The following DOP1B variants were observed in gnomAD, a reference collection of about 807,000 sequenced individuals.
DOP1B encodes protein DOP1B.
Under a neutral mutation model 233.5 loss-of-function variants are expected in DOP1B, and 174 were observed. The observed-to-expected ratio is 0.75, with a 90% CI of 0.66 to 0.85. The LOEUF is 0.85. Among genes scored for constraint, DOP1B ranks in the 40% least tolerant of loss-of-function variants. The probability of loss-of-function intolerance (pLI) is 0.00; values close to 1 mark genes in which losing one functional copy is unlikely to be tolerated. For synonymous variants in DOP1B, 1,190 were observed against 1,185.6 expected, an observed-to-expected ratio of 1.00 and a Z score of -0.08; for missense variants, 2,652 against 2,846.6, an observed-to-expected ratio of 0.93 and a Z score of 1.56.
chr21:36,190,962 A>G (rs990363182), intron 2 of DOP1B, among the ~76,000 whole-genome samples: 5 of 152,182 alleles, frequency 3.3e-5, no homozygotes, highest in African/African-American at 4.8e-5. Context: ...CGGGAGAGGG[A>G]TGACAGTGAC....
chr21:36,170,324 G>A (rs750693679), intron 2 of DOP1B: 28 of 288,512 alleles, frequency 9.7e-5, no homozygotes, highest in Non-Finnish European at 1.6e-4. Flanking sequence ...TAGGCCTGGC[G>A]CGGTGGCTCA....
intron 10 of DOP1B, among the ~76,000 whole-genome samples, chr21:36,220,817 T>G (rs2066615243): frequency 1.3e-5 from 2 of 151,936 alleles, no homozygotes; most frequent in South Asian, 2.1e-4. Context: ...CTCTGGAGTG[T>G]CACTCTCCAG....
intron 21 of DOP1B, among the ~76,000 whole-genome samples, chr21:36,250,084 A>G (rs1466073659): frequency 1.3e-5 from 2 of 151,996 alleles, no homozygotes; most frequent in Non-Finnish European, 2.9e-5. Context: ...GGAAAGAGTA[A>G]TTACGATAAA....
chr21:36,231,268 A>G, intron 14 of DOP1B, 134 bp downstream of exon 14: 1 of 1,187,818 alleles, frequency 8.4e-7, no homozygotes, highest in Non-Finnish European at 1.1e-6. Flanking sequence ...AGATTTTTGG[A>G]ATATTTGCCT....
At chr21:36,227,487 C>T (rs906797142) in intron 12 of DOP1B, among the ~76,000 whole-genome samples, 199 bp from the exon 13 acceptor site, 10 of 151,698 alleles carry the variant, frequency 6.6e-5, no homozygotes, top group African/African-American at 2.4e-4. Flanking sequence ...GCTGAGCTTG[C>T]AGTGAGCCGA....
intron 5 of DOP1B, among the ~76,000 whole-genome samples, chr21:36,209,690 C>A (rs1419925271): frequency 6.6e-6 from 1 of 152,228 alleles, no homozygotes; most frequent in Non-Finnish European, 1.5e-5. Flanking sequence ...CCAGGCCCTT[C>A]AAGGGAAGCT....
intron 23 of DOP1B, among the ~76,000 whole-genome samples, chr21:36,257,864 T>G (rs1393035655): frequency 4.2e-5 from 6 of 141,504 alleles, no homozygotes; most frequent in African/African-American, 1.1e-4. Flanking sequence ...GGTAGAGAGA[T>G]AGATGTAGGT....
At chr21:36,209,624 T>C (rs913801521) in intron 5 of DOP1B, among the ~76,000 whole-genome samples, 3 of 152,042 alleles carry the variant, frequency 2.0e-5, no homozygotes, top group Non-Finnish European at 4.4e-5. Context: ...CCTCCTCTCT[T>C]GTCTCCATTG....
chr21:36,208,968 G>A (rs573816517), intron 5 of DOP1B, 64 bp downstream of exon 5: 150 of 1,422,286 alleles, frequency 1.1e-4, no homozygotes, highest in Non-Finnish European at 1.3e-4. Context: ...CATCCTCATG[G>A]GCAGGTTGTC....
intron 2 of DOP1B, among the ~76,000 whole-genome samples, chr21:36,180,005 G>A (rs550961420): frequency 6.6e-6 from 1 of 152,132 alleles, no homozygotes; most frequent in Non-Finnish European, 1.5e-5. Flanking sequence ...CAGAGCCACA[G>A]CCTGTCACCT....
At chr21:36,173,313 A>G (rs1297444855) in intron 2 of DOP1B, among the ~76,000 whole-genome samples, 1 of 152,178 alleles carries the variant, frequency 6.6e-6, no homozygotes, top group East Asian at 1.9e-4. Context: ...ACTGGTTCCC[A>G]GAAGGTCTTG....
At position 36,236,777 on chromosome 21, in the gene DOP1B, C is replaced by CTTTTTTT. The variant is rs35374710; in HGVS notation, c.2623-474_2623-468dup. Among the ~76,000 whole-genome samples, 477 of 118,472 alleles carry CTTTTTTT rather than the reference C, an allele frequency of 4.0e-3. 1 individual carries two copies. Among genetic ancestry groups the CTTTTTTT allele is most frequent in the Non-Finnish European group, 5.6e-3 (334 of 59,664 alleles). The allele number at this position is 118,472 out of a possible 152,430, so 77.7% of individuals were successfully genotyped here. A position where few individuals can be genotyped will look rare whatever the true frequency, so the allele number is the denominator to read the frequency against. On this transcript the variant is annotated intron_variant, in intron 15 of 36. Coordinates refer to ENST00000691173, the MANE Select transcript of DOP1B (RefSeq NM_001320714.2). Reference sequence around the variant, plus strand: ...TTTTTTCTTTTTTCTTTTTCTTTTTCTTTTTTTTTTTTTTTTTGAGACAGA... The same window carrying CTTTTTTT: ...TTTTTTCTTTTTTCTTTTTCTTTTTCTTTTTTTTTTTTTTTTTTTTTTTTGAGACAGA...
In DOP1B at chr21:36,246,374, A is replaced by G; in HGVS notation, c.4394A>G (p.Gln1465Arg). ...LGRAHEEAEN[Q>R]PDLSREWQRA... Reference sequence around the variant, plus strand: ...CGGGCCCATGAGGAGGCGGAAAACCAGCCCGACCTGTCCCGGGAGTGGCAG... The same window carrying G: ...CGGGCCCATGAGGAGGCGGAAAACCGGCCCGACCTGTCCCGGGAGTGGCAG... Residue 1465 changes from glutamine to arginine, a missense_variant, in exon 19 of 37, where the codon CAG becomes CGG. Gln to Arg is a conservative substitution (Grantham distance 43). Transcript: ENST00000691173. The surrounding 1 kb of genome is among the most constrained non-coding windows in gnomAD (Gnocchi z 5.1). 3 of 1,613,580 alleles carry G rather than the reference A, an allele frequency of 1.9e-6. No individual in the cohort carries two copies. The highest frequency in any genetic ancestry group is 2.5e-6 in the Non-Finnish European group (3 of 1,179,886).
chr21:36,227,749 C>T lies in DOP1B; in HGVS notation c.1537C>T (p.Leu513Phe). Reference sequence around the variant, plus strand: ...GGTGCTCGGCTGCCTGGTGCAGCCTCTTGCTGAGGACATGGAGGCCTTAAG... The same window carrying T: ...GGTGCTCGGCTGCCTGGTGCAGCCTTTTGCTGAGGACATGGAGGCCTTAAG... ...PQVLGCLVQP[L>F]AEDMEALSLP... The change falls in exon 13 of 37, where the codon CTT becomes TTT. Residue 513 changes from leucine (L) to phenylalanine (F), a missense_variant. Around this residue, in one of 3 missense-constraint regions of DOP1B, gnomAD observed 2,617 missense variants for 2,794.3 expected, o/e 0.94. Coordinates refer to ENST00000691173, the MANE Select transcript of DOP1B (RefSeq NM_001320714.2). 6.2e-7 allele frequency: 1 copy of T among 1,612,950 alleles called. No individual in the cohort carries two copies. The highest frequency in any genetic ancestry group is 8.5e-7 in the Non-Finnish European group (1 of 1,179,090).
intron 2 of DOP1B, among the ~76,000 whole-genome samples, chr21:36,195,715 T>C (rs1000390391): frequency 6.6e-6 from 1 of 152,066 alleles, no homozygotes; most frequent in African/African-American, 2.4e-5. Context: ...TTGAAATGAG[T>C]GGTTGTGGTT....
intron 10 of DOP1B, 108 bp from the exon 11 acceptor site, chr21:36,223,123 C>G (rs2066645092): frequency 8.6e-7 from 1 of 1,163,528 alleles, no homozygotes; most frequent in Admixed American, 2.9e-5. Flanking sequence ...GTGTCAGCTT[C>G]TCTAGAAATA....
At chr21:36,254,564 C>G (rs1302409568) in intron 23 of DOP1B, among the ~76,000 whole-genome samples, 1 of 152,088 alleles carries the variant, frequency 6.6e-6, no homozygotes. Flanking sequence ...GCTGGGAGAT[C>G]GAGACTCTGT....
intron 2 of DOP1B, among the ~76,000 whole-genome samples, chr21:36,181,564 C>T (rs1239861877): frequency 2.0e-5 from 3 of 152,196 alleles, no homozygotes; most frequent in African/African-American, 7.2e-5. Flanking sequence ...CAGGCATGAG[C>T]CACCACGCCC....
intron 2 of DOP1B, among the ~76,000 whole-genome samples, chr21:36,197,435 G>A (rs1339480589): frequency 6.6e-6 from 1 of 152,158 alleles, no homozygotes; most frequent in East Asian, 1.9e-4. Flanking sequence ...GAGGGCCCAC[G>A]ATTCTGATGT....
Sources: gnomAD v4.1 joint callset for allele counts (sites outside exome capture counted in the v4.1 genomes callset) on GRCh38, gnomAD v4.1.1 for gene constraint, gnomAD v4.1.1 regional missense constraint, Gnocchi (gnomAD v3.1) non-coding constraint, MANE v1.5 for transcripts, NCBI Gene and HGNC (gene_info 2026-07-23, HGNC 2026-07-21) for gene names.